The following CADM2 variants were observed in gnomAD, a reference collection of about 807,000 sequenced individuals.
The protein encoded by CADM2 is cell adhesion molecule 2.
Under a neutral mutation model 49.8 loss-of-function variants are expected in CADM2, and 12 were observed. The observed-to-expected ratio is 0.24, with a 90% CI of 0.15 to 0.39. CADM2 has a LOEUF of 0.39. CADM2 is among the 10% of genes least tolerant of loss of function. The pLI is 1.00. For missense variants in CADM2, 378 were observed against 492.3 expected, an observed-to-expected ratio of 0.77 and a Z score of 2.20; for synonymous variants, 214 against 175.4, an observed-to-expected ratio of 1.22 and a Z score of -1.74.
At chr3:85,812,582 G>T (rs374477919) in intron 3 of CADM2, among the ~76,000 whole-genome samples, 1 of 151,186 alleles carries the variant, frequency 6.6e-6, no homozygotes, top group Non-Finnish European at 1.5e-5. Context: ...TAGGTTCTGG[G>T]GCATATGTGC....
rs144609763 is a variant in CADM2, at chr3:85,373,502, G to A, written c.62-353020G>A. On this transcript the variant is annotated intron_variant, in intron 1 of 9. Coordinates refer to ENST00000383699, the MANE Select transcript of CADM2 (RefSeq NM_001167675.2). ...TTTCCAGGAACACAGTGCAAGCTTT[G>A]GGTGGATCTACCATTCTGGGGTGGC... is the stretch of plus-strand genomic sequence containing the variant. Among the ~76,000 whole-genome samples, 39 of 152,140 alleles carry A rather than the reference G, an allele frequency of 2.6e-4. 1 individual carries two copies. The East Asian group carries it at 7.2e-3, about 28-fold the overall frequency.
chr3:85,249,962 A>G (rs559439215), intron 1 of CADM2, among the ~76,000 whole-genome samples: 140 of 151,974 alleles, frequency 9.2e-4, no homozygotes, highest in African/African-American at 3.3e-3. Flanking sequence ...TAATGACCAT[A>G]TTGACAATAA....
At chr3:85,041,003 T>A (rs1272358613) in intron 1 of CADM2, among the ~76,000 whole-genome samples, 2 of 152,204 alleles carry the variant, frequency 1.3e-5, no homozygotes, top group African/African-American at 4.8e-5. Flanking sequence ...AGTCATCTTT[T>A]TCTTGTAATT....
intron 2 of CADM2, among the ~76,000 whole-genome samples, chr3:85,782,326 A>G (rs565467741): frequency 6.6e-6 from 1 of 152,358 alleles, no homozygotes; most frequent in East Asian, 1.9e-4. Context: ...AACAGGAAAT[A>G]TATCTACTCT....
chr3:85,185,187 C>T (rs942646307), intron 1 of CADM2, among the ~76,000 whole-genome samples: 6 of 151,928 alleles, frequency 3.9e-5, no homozygotes, highest in African/African-American at 9.7e-5. Context: ...CTTTTTTTGG[C>T]TGGGATAAAT....
chr3:85,966,588 A>G (rs1466168601), intron 8 of CADM2, among the ~76,000 whole-genome samples: 4 of 151,576 alleles, frequency 2.6e-5, no homozygotes, highest in Non-Finnish European at 5.9e-5. Context: ...ACATGTATGT[A>G]TTTTGCTTTT....
At chr3:85,065,448 G>T (rs889748563) in intron 1 of CADM2, among the ~76,000 whole-genome samples, 1 of 151,854 alleles carries the variant, frequency 6.6e-6, no homozygotes, top group Non-Finnish European at 1.5e-5. Flanking sequence ...CTGGTTCCCA[G>T]ATTTCTCATT....
chr3:85,079,087 G>C (rs1278649979), intron 1 of CADM2, among the ~76,000 whole-genome samples: 1 of 151,452 alleles, frequency 6.6e-6, no homozygotes, highest in Non-Finnish European at 1.5e-5. Context: ...TAGATTTTTA[G>C]GTATAAATTA....
At chr3:85,360,037 C>T (rs952424034) in intron 1 of CADM2, among the ~76,000 whole-genome samples, 27 of 151,658 alleles carry the variant, frequency 1.8e-4, no homozygotes, top group African/African-American at 6.3e-4. Context: ...TAAAATTAAG[C>T]TGAAAATGTG....
At chr3:85,946,350 C>T (rs1294726034) in intron 7 of CADM2, among the ~76,000 whole-genome samples, 2 of 151,522 alleles carry the variant, frequency 1.3e-5, no homozygotes, top group African/African-American at 4.9e-5. Flanking sequence ...AATGGCCATA[C>T]TGCCCAAGGT....
At position 86,065,701 on chromosome 3, in the gene CADM2, T is replaced by C; in HGVS notation, c.1067T>C (p.Leu356Pro). The change falls in exon 9 of 10, where the codon CTG becomes CCG. Residue 356 changes from leucine to proline, a missense_variant. Physicochemically the swap from Leu to Pro is moderately conservative, Grantham distance 98 (BLOSUM62 -3). Coordinates refer to ENST00000383699, the MANE Select transcript of CADM2 (RefSeq NM_001167675.2). ...VVFVTLCSIF[L>P]LGRYLARHKG... ...TTTGTCACGCTGTGTTCTATCTTTC[T>C]GCTTGGTCGATATCTGGCAAGGCAT... The C allele has an allele frequency of 6.2e-7, 1 of 1,614,078 alleles. No individual in the cohort carries two copies. Among genetic ancestry groups the C allele is most frequent in the Non-Finnish European group, 8.5e-7 (1 of 1,179,964 alleles).
chr3:85,217,027 G>T (rs2041943135), intron 1 of CADM2, among the ~76,000 whole-genome samples: 1 of 151,668 alleles, frequency 6.6e-6, no homozygotes, highest in South Asian at 2.1e-4. Flanking sequence ...AAAATATATT[G>T]TATACTATTA....
At chr3:86,064,274 C>T (rs1441969935) in intron 8 of CADM2, among the ~76,000 whole-genome samples, 2 of 151,878 alleles carry the variant, frequency 1.3e-5, no homozygotes, top group Non-Finnish European at 2.9e-5. Context: ...TCTCATTGTT[C>T]ATTCCCACCT....
intron 6 of CADM2, among the ~76,000 whole-genome samples, chr3:85,921,548 G>A (rs1719116893): frequency 6.6e-6 from 1 of 151,890 alleles, no homozygotes; most frequent in South Asian, 2.1e-4. Context: ...AAAGTACAGA[G>A]GGTTCCCATA....
At chr3:85,693,723 CAA>C (rs397807084) in intron 1 of CADM2, among the ~76,000 whole-genome samples, 12 of 66,538 alleles carry the variant, frequency 1.8e-4, no homozygotes, top group East Asian at 1.2e-3. Flanking sequence ...ACGTATCTAC[CAA>C]AAAAAAAAAA....
At chr3:85,276,109 T>G (rs1413380360) in intron 1 of CADM2, among the ~76,000 whole-genome samples, 1 of 151,292 alleles carries the variant, frequency 6.6e-6, no homozygotes, top group Non-Finnish European at 1.5e-5. Flanking sequence ...TATAATAAAC[T>G]GATAAGATAT....
At chr3:85,768,335 A>G (rs1451352438) in intron 2 of CADM2, among the ~76,000 whole-genome samples, 1 of 151,848 alleles carries the variant, frequency 6.6e-6, no homozygotes, top group African/African-American at 2.4e-5. Context: ...AGTCCCAGCT[A>G]CTTGGGAGGC....
At position 85,443,463 on chromosome 3, in the gene CADM2, C is replaced by G. The variant is rs145041178; in HGVS notation, c.62-283059C>G. Among the ~76,000 whole-genome samples the G allele has an allele frequency of 4.6e-5, 7 of 152,246 alleles. No homozygotes were observed. In the East Asian group the frequency reaches 1.4e-3, roughly 29 times the overall value. ...CCGTTAACAGCCAAACTACTCAAAA[C>G]AGGTATTTTCAATGCTTTCTCTTCT... On this transcript the variant is annotated intron_variant, in intron 1 of 9. Coordinates refer to ENST00000383699, the MANE Select transcript of CADM2 (RefSeq NM_001167675.2).
At chr3:85,752,964 A>G (rs1213417811) in intron 2 of CADM2, among the ~76,000 whole-genome samples, 2 of 152,198 alleles carry the variant, frequency 1.3e-5, no homozygotes, top group East Asian at 1.9e-4. Context: ...CAGGTTTGCC[A>G]TGGTGAATTT....
Sources: gnomAD v4.1 joint callset for allele counts (sites outside exome capture counted in the v4.1 genomes callset) on GRCh38, gnomAD v4.1.1 for gene constraint, MANE v1.5 for transcripts, NCBI Gene and HGNC (gene_info 2026-07-23, HGNC 2026-07-21) for gene names.